The following EML1 variants were observed in gnomAD, a reference collection of about 807,000 sequenced individuals.
EML1 encodes the protein EMAP like 1.
EML1 carries 27 observed loss-of-function variants against 110.4 expected under a neutral mutation model. The observed-to-expected ratio is 0.24, with a 90% CI of 0.18 to 0.34. The LOEUF is 0.34. Ranked by LOEUF, EML1 falls within the 10% of genes least tolerant of loss-of-function variation. The pLI, the probability that EML1 is intolerant of heterozygous loss-of-function variation, is 1.00. For synonymous variants in EML1, 344 were observed against 385.8 expected, an observed-to-expected ratio of 0.89 and a Z score of 1.27; for missense variants, 741 against 1,030.9, an observed-to-expected ratio of 0.72 and a Z score of 3.85.
upstream of EML1, among the ~76,000 whole-genome samples, chr14:99,770,941 C>T (rs377127653): frequency 2.0e-4 from 31 of 152,040 alleles, 1 homozygote; most frequent in East Asian, 9.7e-4. Context: ...CCCGCCACTA[C>T]GCCCAGCTAA....
intron 17 of EML1, among the ~76,000 whole-genome samples, chr14:99,924,426 A>G (rs1022547407): frequency 1.3e-5 from 2 of 152,238 alleles, no homozygotes; most frequent in African/African-American, 2.4e-5. Context: ...GTTTCTTCCT[A>G]TATATACTTG....
At chr14:99,883,594 C>T (rs1033542271) in intron 4 of EML1, 1 of 151,992 alleles carries the variant, frequency 6.6e-6, no homozygotes, top group Non-Finnish European at 1.5e-5. Flanking sequence ...CCTGCAGTCT[C>T]ACCACTCAGC....
intron 17 of EML1, among the ~76,000 whole-genome samples, chr14:99,924,803 G>GTT (rs1566940940): frequency 6.6e-6 from 1 of 152,158 alleles, no homozygotes; most frequent in African/African-American, 2.4e-5. Context: ...TGGGGTTGGA[G>GTT]TTTATCAGAT....
At chr14:99,777,234 G>A (rs1354689438) in intron 1 of EML1, among the ~76,000 whole-genome samples, 1 of 151,008 alleles carries the variant, frequency 6.6e-6, no homozygotes, top group East Asian at 1.9e-4. Context: ...ATCAGTTACA[G>A]ACTGCACGTA....
At chr14:99,891,274 C>G in intron 5 of EML1, 47 bp downstream of exon 5, 1 of 1,611,936 alleles carries the variant, frequency 6.2e-7, no homozygotes, top group Non-Finnish European at 8.5e-7. Context: ...CTCACTCTCT[C>G]AGAACTCAAG....
intron 1 of EML1, among the ~76,000 whole-genome samples, chr14:99,755,006 T>C (rs28712671): frequency 0.026 from 3,955 of 152,322 alleles, 156 homozygotes; most frequent in African/African-American, 0.09. Context: ...TTTATCTTCT[T>C]TTCATGAGAA....
intron 5 of EML1, chr14:99,892,223 C>T: frequency 6.1e-6 from 6 of 984,790 alleles, no homozygotes; most frequent in Non-Finnish European, 7.2e-6. Flanking sequence ...AACCTCATAG[C>T]TCTCTGAGCA....
At chr14:99,806,570 C>T (rs2057980291) in intron 1 of EML1, among the ~76,000 whole-genome samples, 1 of 152,106 alleles carries the variant, frequency 6.6e-6, no homozygotes, top group Non-Finnish European at 1.5e-5. Flanking sequence ...CCCACCTTGG[C>T]CTCCCAAAAT....
At chr14:99,938,520 T>C (rs2060515382) in intron 20 of EML1, among the ~76,000 whole-genome samples, 1 of 152,196 alleles carries the variant, frequency 6.6e-6, no homozygotes, top group Non-Finnish European at 1.5e-5. Flanking sequence ...ACAGGTATTG[T>C]TGAAAGGGTT....
At chr14:99,910,725 A>G (rs1431471081) in intron 12 of EML1, among the ~76,000 whole-genome samples, 2 of 152,176 alleles carry the variant, frequency 1.3e-5, no homozygotes, top group East Asian at 3.8e-4. Context: ...ATTGAAAGCT[A>G]ATTATGTGCT....
chr14:99,940,126 C>T lies in EML1; in HGVS notation c.*14C>T. 6.5e-7 allele frequency: 1 copy of T among 1,540,640 alleles called. No individual in the cohort carries two copies. The highest frequency in any genetic ancestry group is 2.1e-5 in the Admixed American group (1 of 46,938). On this transcript the variant is annotated 3_prime_UTR_variant, in exon 22 of 22. Coordinates refer to ENST00000262233, the MANE Select transcript of EML1 (RefSeq NM_004434.3). ...CGCGTCATTTAGTACCCACCGAGAG[C>T]TGTGGGGAGCAGCATGGGCAAGGAA...
chr14:99,755,989 G>C (rs557284652), intron 1 of EML1, among the ~76,000 whole-genome samples: 26 of 152,234 alleles, frequency 1.7e-4, no homozygotes, highest in Non-Finnish European at 3.7e-4. Flanking sequence ...AAGTGGCAGA[G>C]TGTAGCTCCC....
chr14:99,780,317 C>T (rs2057525797), intron 1 of EML1, among the ~76,000 whole-genome samples: 1 of 152,224 alleles, frequency 6.6e-6, no homozygotes, highest in South Asian at 2.1e-4. Context: ...TTTGCCCCCA[C>T]TGTGACAGGT....
At chr14:99,848,477 A>G (rs190042579) in intron 1 of EML1, among the ~76,000 whole-genome samples, 51 of 152,300 alleles carry the variant, frequency 3.3e-4, no homozygotes, top group Admixed American at 3.0e-3. Context: ...TGTATACAAT[A>G]TATACAATTT....
intron 17 of EML1, among the ~76,000 whole-genome samples, chr14:99,931,896 G>A (rs2060376153): frequency 6.6e-6 from 1 of 152,240 alleles, no homozygotes; most frequent in Admixed American, 6.5e-5. Context: ...AGTCGTCGCG[G>A]TCAACGGGAG....
intron 11 of EML1, among the ~76,000 whole-genome samples, 164 bp from the exon 12 acceptor site, chr14:99,910,078 G>A (rs181515114): frequency 3.5e-4 from 54 of 152,266 alleles, no homozygotes; most frequent in Admixed American, 3.4e-3. Context: ...TTATGTAATA[G>A]TAGACAGAAA....
At chr14:99,740,181 G>A (rs2140158139) in intron 1 of EML1, among the ~76,000 whole-genome samples, 1 of 152,294 alleles carries the variant, frequency 6.6e-6, no homozygotes, top group African/African-American at 2.4e-5. Flanking sequence ...ATTACCTGGA[G>A]GTGGGGGCTA....
chr14:99,902,915 A>G (rs960307085), intron 9 of EML1, among the ~76,000 whole-genome samples: 1 of 152,248 alleles, frequency 6.6e-6, no homozygotes, highest in African/African-American at 2.4e-5. Context: ...TGACTCTACA[A>G]TTCAATTTGA....
intron 1 of EML1, among the ~76,000 whole-genome samples, chr14:99,842,592 C>T (rs2058650139): frequency 6.6e-6 from 1 of 152,082 alleles, no homozygotes; most frequent in Non-Finnish European, 1.5e-5. Context: ...AGTTTTTAAC[C>T]ATTTGTATTT....
Sources: allele counts gnomAD v4.1 joint callset (sites outside exome capture counted in the v4.1 genomes callset), GRCh38; gene constraint gnomAD v4.1.1; transcripts MANE v1.5; gene names NCBI Gene and HGNC (gene_info 2026-07-23, HGNC 2026-07-21).